Variants in NLRP5 observed in about 807,000 individuals in gnomAD.
NLRP5 encodes the protein NLR family pyrin domain containing 5.
A neutral mutation model predicts 113.1 loss-of-function variants in NLRP5; 93 were observed. That is an observed-to-expected ratio of 0.82 (90% CI 0.70 to 0.98). The LOEUF is 0.98. NLRP5 is among the 50% of genes least tolerant of loss of function. The pLI, the probability that NLRP5 is intolerant of heterozygous loss-of-function variation, is 0.00. For synonymous variants in NLRP5, 751 were observed against 600.7 expected, an observed-to-expected ratio of 1.25 and a Z score of -3.66; for missense variants, 1,808 against 1,514.3, an observed-to-expected ratio of 1.19 and a Z score of -3.22.
the NLRP5 span, among the ~76,000 whole-genome samples, chr19:55,989,836 T>G: frequency 6.6e-6 from 1 of 152,090 alleles, no homozygotes; most frequent in African/African-American, 2.4e-5. Context: ...CTGGGTCTAA[T>G]TGCATTTAAA....
Position 56,003,776 on chromosome 19 carries a change from C to T in NLRP5, c.123C>T (p.Pro41=). The T allele has an allele frequency of 6.2e-7, 1 of 1,613,810 alleles. No individual in the cohort carries two copies. Among genetic ancestry groups the T allele is most frequent in the South Asian group, 1.1e-5 (1 of 91,068 alleles). ...TATTACCAAAGAATCCACTTTTCCCCCAAAACCTGAGCTCTCAGCCTTGTA... is the reference window on the plus strand; with the variant it reads ...TATTACCAAAGAATCCACTTTTCCCTCAAAACCTGAGCTCTCAGCCTTGTA... Residue 41 remains proline (P), a synonymous_variant, in exon 2 of 15, where the codon CCC becomes CCT. Transcript: ENST00000390649.
rs539903283 is a variant in NLRP5 at position 56,005,723 on chromosome 19, C to T, written c.442+1628C>T. ...AGCTGCAAAACGCTTCAAGGGCTCT[C>T]TCTCCTGAGCTTGGAAAAAAGGCCC... On this transcript the variant is annotated intron_variant, in intron 2 of 14. Coordinates refer to ENST00000390649, the MANE Select transcript of NLRP5 (RefSeq NM_153447.4). 2.0e-5 allele frequency among the ~76,000 whole-genome samples: 3 copies of T among 152,308 alleles called. No individual in the cohort carries two copies. In the South Asian group the frequency reaches 6.2e-4, roughly 32 times the overall value.
chr19:56,027,469 G>A lies in NLRP5; in HGVS notation c.1236G>A (p.Val412=), dbSNP rs1982908581. ...TCCTGATCGTCACCGTCAGAGACGT[G>A]GGCACAGAGAAGCTCAAGTCAGAGG... The change falls in exon 7 of 15, where the codon GTG becomes GTA. Residue 412 remains valine, a synonymous_variant. Transcript: ENST00000390649. 2.5e-6 allele frequency: 4 copies of A among 1,613,788 alleles called. No individual in the cohort carries two copies. Among genetic ancestry groups the A allele is most frequent in the Non-Finnish European group, 3.4e-6 (4 of 1,179,822 alleles).
intron 7 of NLRP5, among the ~76,000 whole-genome samples, chr19:56,029,048 A>G (rs762337175): frequency 2.6e-5 from 4 of 151,996 alleles, no homozygotes; most frequent in Admixed American, 6.6e-5. Flanking sequence ...TACAGGCATC[A>G]GCAAGCCCCT....
chr19:55,995,166 A>C (rs491806), upstream of NLRP5, among the ~76,000 whole-genome samples: 120,576 of 151,834 alleles, frequency 0.79, 47,901 homozygotes, highest in East Asian at 0.87. Flanking sequence ...CAATGAGAAC[A>C]CTTGGACACA....
intron 4 of NLRP5, among the ~76,000 whole-genome samples, chr19:56,017,391 T>C (rs1013809608): frequency 1.3e-5 from 2 of 149,290 alleles, no homozygotes; most frequent in Non-Finnish European, 3.0e-5. Flanking sequence ...TTATATTATA[T>C]TTCAGATCTT....
intron 11 of NLRP5, among the ~76,000 whole-genome samples, chr19:56,044,252 C>G (rs886180421): frequency 6.6e-6 from 1 of 151,868 alleles, no homozygotes; most frequent in African/African-American, 2.4e-5. Context: ...TTAGTAGAGA[C>G]GGGGTTTCAC....
intron 9 of NLRP5, among the ~76,000 whole-genome samples, chr19:56,035,640 TAACTC>T (rs1298059923): frequency 2.0e-5 from 3 of 152,220 alleles, no homozygotes; most frequent in Non-Finnish European, 4.4e-5. Flanking sequence ...TACCTTCTCA[TAACTC>T]AACTAATGAA....
intron 13 of NLRP5, among the ~76,000 whole-genome samples, chr19:56,055,606 C>T (rs372955799): frequency 4.1e-4 from 52 of 127,820 alleles, no homozygotes; most frequent in Admixed American, 1.5e-3. Flanking sequence ...AGTGCAGTGG[C>T]GCGATCTCAG....
intron 11 of NLRP5, among the ~76,000 whole-genome samples, chr19:56,042,650 A>G (rs930974333): frequency 6.6e-6 from 1 of 152,138 alleles, no homozygotes; most frequent in African/African-American, 2.4e-5. Context: ...GCCAGGTTAC[A>G]TGAGTAAGTT....
chr19:56,045,255 G>C (rs1230426847), intron 11 of NLRP5, among the ~76,000 whole-genome samples: 1 of 152,188 alleles, frequency 6.6e-6, no homozygotes, highest in Non-Finnish European at 1.5e-5. Context: ...GAGGAGTAGT[G>C]AGAGTGGGCA....
At chr19:56,058,889 CAAAA>C (rs991325698) in intron 14 of NLRP5, among the ~76,000 whole-genome samples, 4 of 152,098 alleles carry the variant, frequency 2.6e-5, no homozygotes, top group African/African-American at 7.2e-5. Flanking sequence ...TATTCAGTCT[CAAAA>C]AGAAAATTCT....
chr19:56,006,330 C>G (rs1334140405), intron 2 of NLRP5, among the ~76,000 whole-genome samples: 2 of 151,944 alleles, frequency 1.3e-5, no homozygotes, highest in African/African-American at 4.8e-5. Flanking sequence ...ATGTAAATAA[C>G]GAGTTAATGG....
chr19:55,998,688 A>ATATCTATGTGTGTGTGTGTGTG (rs1981439743), upstream of NLRP5, among the ~76,000 whole-genome samples: 1 of 50,294 alleles, frequency 2.0e-5, no homozygotes, highest in Non-Finnish European at 3.5e-5. Context: ...ATATATATAT[A>ATATCTATGTGTGTGTGTGTGTG]TATATATATA....
intron 1 of NLRP5, among the ~76,000 whole-genome samples, chr19:56,003,453 C>T (rs1568480691): frequency 6.6e-6 from 1 of 152,210 alleles, no homozygotes; most frequent in East Asian, 1.9e-4. Context: ...TGCACCTGGC[C>T]ATTGCCAGTG....
chr19:56,009,379 CT>C (rs1257356409), intron 3 of NLRP5, among the ~76,000 whole-genome samples: 1 of 139,806 alleles, frequency 7.2e-6, no homozygotes, highest in Admixed American at 7.4e-5. Flanking sequence ...GGTCTTCAGG[CT>C]TTCTTACAAC....
intron 11 of NLRP5, among the ~76,000 whole-genome samples, chr19:56,043,580 T>TTTTTTTTTTTC: frequency 1.2e-5 from 1 of 81,726 alleles, no homozygotes; most frequent in Non-Finnish European, 2.5e-5. Context: ...TTTTTTTTTT[T>TTTTTTTTTTTC]TTTGAGATGG....
intron 5 of NLRP5, among the ~76,000 whole-genome samples, chr19:56,019,761 T>A (rs1053374598): frequency 1.3e-5 from 2 of 152,118 alleles, no homozygotes; most frequent in Non-Finnish European, 2.9e-5. Context: ...TTCTATCAAC[T>A]AATATGTACA....
intron 1 of NLRP5, among the ~76,000 whole-genome samples, chr19:56,001,964 C>T (rs13344776): frequency 0.019 from 2,880 of 152,212 alleles, 61 homozygotes; most frequent in East Asian, 0.065. Context: ...TTATAGGGCT[C>T]TTATAATGAC....
Sources: allele counts gnomAD v4.1 joint callset (sites outside exome capture counted in the v4.1 genomes callset), GRCh38; gene constraint gnomAD v4.1.1; transcripts MANE v1.5; gene names NCBI Gene and HGNC (gene_info 2026-07-23, HGNC 2026-07-21).